MCOLN3: variants seen among roughly 807,000 people sequenced by gnomAD.
The protein encoded by MCOLN3 is mucolipin-3.
MCOLN3 carries 62 observed loss-of-function variants against 69.4 expected under a neutral mutation model. That is an observed-to-expected ratio of 0.89 (90% CI 0.73 to 1.10). MCOLN3 has a LOEUF of 1.10. Among genes scored for constraint, MCOLN3 ranks in the 50% least tolerant of loss-of-function variants. MCOLN3 has a pLI of 0.00. For synonymous variants in MCOLN3, 183 were observed against 217.0 expected (o/e 0.84, Z 1.38); for missense variants, 564 against 656.4 (o/e 0.86, Z 1.54).
Position 85,026,394 on chromosome 1 carries a change from A to G in MCOLN3, c.833-110T>C. On this transcript the variant is annotated intron_variant, in intron 7 of 12. Coordinates refer to ENST00000370589, the MANE Select transcript of MCOLN3 (RefSeq NM_018298.11). The stretch of plus-strand genomic sequence containing the variant: ...CAAGCATTCTTTCTGGTAAGACAAC[A>G]AAGAAGCCCTGATAAACGGTCTTCC... 7.9e-6 allele frequency: 6 copies of G among 759,598 alleles called. No homozygotes were observed. In the South Asian group the frequency reaches 1.1e-4, roughly 14 times the overall value. The allele number at this position is 759,598 out of a possible 1,614,324, so 47.1% of individuals were successfully genotyped here.
chr1:85,040,943 T>G, intron 3 of MCOLN3, 67 bp downstream of exon 3: 1 of 1,506,276 alleles, frequency 6.6e-7, no homozygotes, highest in Non-Finnish European at 9.1e-7. Context: ...GTTTCTATTA[T>G]GTACATTGCC....
Position 85,019,141 on chromosome 1 carries a change from G to A in MCOLN3, c.1644C>T (p.Phe548=). ...CTGATAGCTACTTTTTACAACAGCAGAATAAAGATACTGGAGGGTCATCTT... is the reference window on the plus strand; with the variant it reads ...CTGATAGCTACTTTTTACAACAGCAAAATAAAGATACTGGAGGGTCATCTT... ...RLEDDPPVSL[F]CCCKK Residue 548 remains phenylalanine (F), a synonymous_variant, in exon 13 of 13, where the codon TTC becomes TTT. Transcript: ENST00000370589. The A allele has an allele frequency of 6.2e-7, 1 of 1,613,486 alleles. No individual in the cohort carries two copies. The highest frequency in any genetic ancestry group is 8.5e-7 in the Non-Finnish European group (1 of 1,179,688).
intron 3 of MCOLN3, among the ~76,000 whole-genome samples, chr1:85,039,967 A>C (rs890023817): frequency 4.0e-5 from 6 of 150,148 alleles, no homozygotes; most frequent in African/African-American, 1.5e-4. Context: ...AAAAAAATTT[A>C]ATGAACTGTT....
In MCOLN3 at chr1:85,045,186, T is replaced by G; in HGVS notation, c.175A>C (p.Lys59Gln). 2 of 1,614,110 alleles carry G rather than the reference T, an allele frequency of 1.2e-6. No individual in the cohort carries two copies. The highest frequency in any genetic ancestry group is 1.7e-6 in the Non-Finnish European group (2 of 1,180,020). ...ATTTGTATGGCAAGTTTCCATGGTT[T>G]TCTACCTCGAGCCCAGAACTTCTCA... ...PCEKFWARGRKPWKLAIQILK... is the reference protein window; with the variant it reads ...PCEKFWARGRQPWKLAIQILK... The change falls in exon 2 of 13, where the codon AAA becomes CAA. Residue 59 changes from lysine (K) to glutamine (Q), a missense_variant. Transcript: ENST00000370589.
chr1:85,046,759 G>T (rs1653372603), intron 1 of MCOLN3, among the ~76,000 whole-genome samples: 1 of 152,142 alleles, frequency 6.6e-6, no homozygotes, highest in Non-Finnish European at 1.5e-5. Flanking sequence ...TTAATGAAAA[G>T]ATTAATAAGG....
In MCOLN3 at chr1:85,033,962, CATA is replaced by C. The variant is rs1349120645; in HGVS notation, c.550+133_550+135del. On this transcript the variant is annotated intron_variant, in intron 4 of 12. Transcript: ENST00000370589. ...AAAGGGCTCAGAACAGTACCTGACA[CATA>C]ATAACTCGTATATCATTCTTACTAT... 3 of 934,796 alleles carry C rather than the reference CATA, an allele frequency of 3.2e-6. No individual in the cohort carries two copies. In the African/African-American group the frequency reaches 5.0e-5, roughly 16 times the overall value. The allele number at this position is 934,796 out of a possible 1,614,324, so 57.9% of individuals were successfully genotyped here. A position where few individuals can be genotyped will look rare whatever the true frequency, so the allele number is the denominator to read the frequency against.
chr1:85,039,500 TTGTC>T (rs1199210549), intron 3 of MCOLN3, among the ~76,000 whole-genome samples: 6 of 152,204 alleles, frequency 3.9e-5, no homozygotes, highest in Non-Finnish European at 8.8e-5. Flanking sequence ...TTTCTGTTGT[TTGTC>T]TGTTATCTAG....
chr1:85,018,996 A>G lies in MCOLN3; in HGVS notation c.*127T>C. 1.3e-6 allele frequency: 1 copy of G among 792,372 alleles called. No homozygotes were observed. Among genetic ancestry groups the G allele is most frequent in the Non-Finnish European group, 1.9e-6 (1 of 525,942 alleles). 49.1% of individuals were successfully genotyped at this position (792,372 alleles called of 1,614,324 possible). A position where few individuals can be genotyped will look rare whatever the true frequency, so the allele number is the denominator to read the frequency against. On this transcript the variant is annotated 3_prime_UTR_variant, in exon 13 of 13. Transcript: ENST00000370589. The stretch of plus-strand genomic sequence containing the variant: ...TTAAAAATATAAACAGTTATTGGTG[A>G]ATTATAGGTCTCAATTAGCTCAAAA...
chr1:85,042,453 G>A (rs1201704178), intron 2 of MCOLN3, among the ~76,000 whole-genome samples: 1 of 152,122 alleles, frequency 6.6e-6, no homozygotes, highest in African/African-American at 2.4e-5. Flanking sequence ...TTCTTTAATT[G>A]TCCTCAATAA....
chr1:85,031,164 CG>C (rs1652496728), intron 6 of MCOLN3, among the ~76,000 whole-genome samples: 1 of 151,094 alleles, frequency 6.6e-6, no homozygotes, highest in African/African-American at 2.4e-5. Context: ...CCAGCTACTC[CG>C]GAGGCTGAGG....
chr1:85,041,051 G>A lies in MCOLN3; in HGVS notation c.355C>T (p.Gln119Ter). The change falls in exon 3 of 13, where the codon CAA becomes TAA. Residue 119 changes from glutamine to a stop codon, truncating the protein, a stop_gained. Coordinates refer to ENST00000370589, the MANE Select transcript of MCOLN3 (RefSeq NM_018298.11). LOFTEE classifies it high-confidence loss of function. ...RMDDTYAVYTQSDVYDQLIFA... is the reference protein window; with the variant it reads ...RMDDTYAVYT The stretch of plus-strand genomic sequence containing the variant: ...ATTAACTGATCATACACGTCACTTT[G>A]TGTGTACACTGCATATGTGTCATCC... The A allele has an allele frequency of 6.2e-7, 1 of 1,613,912 alleles. No homozygotes were observed. Among genetic ancestry groups the A allele is most frequent in the Non-Finnish European group, 8.5e-7 (1 of 1,179,944 alleles).
In MCOLN3 at chr1:85,022,150, T is replaced by C; in HGVS notation, c.1240A>G (p.Arg414Gly). 6.2e-7 allele frequency: 1 copy of C among 1,614,096 alleles called. No individual in the cohort carries two copies. Among genetic ancestry groups the C allele is most frequent in the Non-Finnish European group, 8.5e-7 (1 of 1,179,974 alleles). ...TLQAALPNVI[R>G]FCCCAAMIYL... ...ATCATAGCTGCACAGCAGCAGAACCTGATGACATTGGGCAGCGCTGCCTGA... is the reference window on the plus strand; with the variant it reads ...ATCATAGCTGCACAGCAGCAGAACCCGATGACATTGGGCAGCGCTGCCTGA... Residue 414 changes from arginine to glycine, a missense_variant, in exon 11 of 13, where the codon AGG (arginine) becomes GGG (glycine). By Grantham distance (125) the Arg-to-Gly change is moderately radical. Coordinates refer to ENST00000370589, the MANE Select transcript of MCOLN3 (RefSeq NM_018298.11).
intron 3 of MCOLN3, among the ~76,000 whole-genome samples, chr1:85,036,460 A>T (rs1332399980): frequency 6.6e-6 from 1 of 152,194 alleles, no homozygotes; most frequent in African/African-American, 2.4e-5. Context: ...AAGTGCTGGG[A>T]TTACAGGCAT....
intron 2 of MCOLN3, among the ~76,000 whole-genome samples, chr1:85,043,841 CT>C (rs550836893): frequency 0.04 from 5,615 of 141,848 alleles, 166 homozygotes; most frequent in African/African-American, 0.082. Context: ...AGCCATGTGA[CT>C]TTTTTTTTTT....
chr1:85,022,063 T>C lies in MCOLN3; in HGVS notation c.1320+7A>G, dbSNP rs2102915541. On this transcript the variant is annotated splice_region_variant and intron_variant, in intron 11 of 12. Coordinates refer to ENST00000370589, the MANE Select transcript of MCOLN3 (RefSeq NM_018298.11). ...ATAGTAACAGGAAAAAAGTTGTTTA[T>C]CAGTACCTTGTCATGGTAAGGCCCC... 2 of 1,611,420 alleles carry C rather than the reference T, an allele frequency of 1.2e-6. No homozygotes were observed. Among genetic ancestry groups the C allele is most frequent in the East Asian group, 4.5e-5 (2 of 44,856 alleles).
Position 85,045,215 on chromosome 1 carries a change from G to C in MCOLN3, c.146C>G (p.Pro49Arg), listed in dbSNP as rs201349914. 104 of 1,613,784 alleles carry C rather than the reference G, an allele frequency of 6.4e-5. No homozygotes were observed. Among genetic ancestry groups the C allele is most frequent in the Admixed American group, 1.2e-4 (7 of 59,976 alleles). Reference sequence around the variant, plus strand: ...ACCTCGAGCCCAGAACTTCTCACAGGGATTCATGAAAAAAAATTTGAGTTT... The same window carrying C: ...ACCTCGAGCCCAGAACTTCTCACAGCGATTCATGAAAAAAAATTTGAGTTT... ...RRKLKFFFMNPCEKFWARGRK... is the reference protein window; with the variant it reads ...RRKLKFFFMNRCEKFWARGRK... The change falls in exon 2 of 13, where the codon CCC becomes CGC. Residue 49 changes from proline (P) to arginine (R), a missense_variant. Coordinates refer to ENST00000370589, the MANE Select transcript of MCOLN3 (RefSeq NM_018298.11).
intron 4 of MCOLN3, 35 bp from the exon 5 acceptor site, chr1:85,032,991 C>T (rs764385906): frequency 6.4e-7 from 1 of 1,564,928 alleles, no homozygotes; most frequent in Non-Finnish European, 8.8e-7. Context: ...TGATACAGTA[C>T]TTAAATAAGA....
At chr1:85,022,560 G>A (rs1651998768) in intron 9 of MCOLN3, 160 bp from the exon 10 acceptor site, 1 of 529,208 alleles carries the variant, frequency 1.9e-6, no homozygotes, top group Admixed American at 3.6e-5. Flanking sequence ...TCTAGTGGAG[G>A]GAAGAAAGAG....
intron 2 of MCOLN3, 90 bp downstream of exon 2, chr1:85,045,043 T>G: frequency 1.0e-6 from 1 of 974,452 alleles, no homozygotes; most frequent in Non-Finnish European, 1.5e-6. Context: ...TTGCATATAG[T>G]TAAAAGTTAT....
Sources: allele counts gnomAD v4.1 joint callset (sites outside exome capture counted in the v4.1 genomes callset), GRCh38; gene constraint gnomAD v4.1.1; transcripts MANE v1.5; gene names NCBI Gene and HGNC (gene_info 2026-07-23, HGNC 2026-07-21).